Variants in CCDC62 observed in about 807,000 individuals in gnomAD.
The protein encoded by CCDC62 is coiled-coil domain-containing protein 62.
CCDC62 carries 72 observed loss-of-function variants against 80.8 expected under a neutral mutation model. That is an observed-to-expected ratio of 0.89 (90% CI 0.74 to 1.08). The LOEUF is 1.08. CCDC62 is among the 50% of genes least tolerant of loss of function. The pLI is 0.00. For synonymous variants in CCDC62, 286 were observed against 296.5 expected (o/e 0.96, Z 0.36); for missense variants, 704 against 809.4 (o/e 0.87, Z 1.58).
chr12:122,801,959 A>T (rs956973514), intron 9 of CCDC62, 107 bp downstream of exon 9: 1 of 1,212,644 alleles, frequency 8.2e-7, no homozygotes, highest in Admixed American at 2.2e-5. Flanking sequence ...TCCAAAAGGC[A>T]TGTTTGCTAA....
At chr12:122,815,251 T>C (rs569409664) in intron 11 of CCDC62, among the ~76,000 whole-genome samples, 219 of 151,100 alleles carry the variant, frequency 1.4e-3, no homozygotes, top group Admixed American at 2.1e-3. Context: ...GCTGATGTTT[T>C]TATTTTTTGT....
rs745492770 is a variant in CCDC62 at position 122,781,212 on chromosome 12, TAAA to T, written c.280_282del (p.Lys94del). 29 of 1,613,928 alleles carry T rather than the reference TAAA, an allele frequency of 1.8e-5. No individual in the cohort carries two copies. The East Asian group carries it at 4.0e-4, about 22-fold the overall frequency. On this transcript the variant is annotated inframe_deletion, in exon 3 of 13. Transcript: ENST00000253079. ...ATAATCAGGTCACTCACGAAGAAGG[TAAA>T]AGCTCTTGAATCCAATCAAATGGAA... is the stretch of plus-strand genomic sequence containing the variant.
intron 1 of CCDC62, 79 bp from the exon 2 acceptor site, chr12:122,777,412 A>C: frequency 8.1e-7 from 1 of 1,227,364 alleles, no homozygotes; most frequent in Admixed American, 2.5e-5. Context: ...AAGAAGATAT[A>C]CTTATTTGGA....
At chr12:122,793,523 G>A (rs1054365566) in intron 6 of CCDC62, among the ~76,000 whole-genome samples, 1 of 52,224 alleles carries the variant, frequency 1.9e-5, no homozygotes, top group African/African-American at 8.7e-5. Flanking sequence ...AATGCAGTTT[G>A]TCTGTAAATT....
rs1389320102 is a variant in CCDC62, at chr12:122,817,312, G to A, written c.2001+3893G>A. Among the ~76,000 whole-genome samples the A allele has an allele frequency of 5.3e-5, 8 of 150,440 alleles. No homozygotes were observed. The East Asian group carries it at 7.8e-4, about 15-fold the overall frequency. On this transcript the variant is annotated intron_variant, in intron 11 of 12. Transcript: ENST00000253079. ...CCTGACCTTGTGATCCACCCGCCTC[G>A]GCCTCCCAAAGTGCTGGGATTACAG...
chr12:122,824,875 G>A (rs11060208), intron 12 of CCDC62, among the ~76,000 whole-genome samples: 6,700 of 151,820 alleles, frequency 0.044, 259 homozygotes, highest in East Asian at 0.23. Context: ...ACCTGAGGTC[G>A]GGAGTTTGAG....
At chr12:122,783,062 G>A (rs1350881818) in intron 3 of CCDC62, among the ~76,000 whole-genome samples, 1 of 150,664 alleles carries the variant, frequency 6.6e-6, no homozygotes, top group Non-Finnish European at 1.5e-5. Flanking sequence ...AGCCGAGATC[G>A]CACCACTGCA....
chr12:122,826,370 A>G (rs2032633390), intron 12 of CCDC62, 52 bp from the exon 13 acceptor site: 3 of 773,630 alleles, frequency 3.9e-6, no homozygotes, highest in East Asian at 4.9e-5. Context: ...ATGCTCTCCA[A>G]TATTAATTGA....
chr12:122,791,551 C>T (rs897725449), intron 5 of CCDC62, among the ~76,000 whole-genome samples: 2 of 151,840 alleles, frequency 1.3e-5, no homozygotes, highest in African/African-American at 2.4e-5. Context: ...TGGATTCAAG[C>T]GATTTTCCTG....
chr12:122,800,417 TAA>T (rs1177675359), intron 8 of CCDC62, among the ~76,000 whole-genome samples: 1 of 148,664 alleles, frequency 6.7e-6, no homozygotes, highest in African/African-American at 2.5e-5. Context: ...CCTGTCTCTA[TAA>T]AAAAAAAATT....
chr12:122,810,000 C>T (rs1422076623), intron 10 of CCDC62, among the ~76,000 whole-genome samples: 2 of 152,156 alleles, frequency 1.3e-5, no homozygotes, highest in Non-Finnish European at 2.9e-5. Context: ...CTTCCTTACA[C>T]CTTATATAAA....
chr12:122,781,251 C>T lies in CCDC62; in HGVS notation c.317C>T (p.Ala106Val), dbSNP rs766180037. The change falls in exon 3 of 13, where the codon GCT becomes GTT. Residue 106 changes from alanine (A) to valine (V), a missense_variant. By Grantham distance (64) the Ala-to-Val change is moderately conservative. Coordinates refer to ENST00000253079, the MANE Select transcript of CCDC62 (RefSeq NM_201435.5). The part of the protein sequence containing the change: ...LESNQMECQT[A>V]LQKTQLQLQE... ...TCCAATCAAATGGAATGCCAAACAGCTCTCCAAAAGACCCAACTACAGCTT... is the reference window on the plus strand; with the variant it reads ...TCCAATCAAATGGAATGCCAAACAGTTCTCCAAAAGACCCAACTACAGCTT... 6.2e-7 allele frequency: 1 copy of T among 1,613,804 alleles called. No homozygotes were observed. Among genetic ancestry groups the T allele is most frequent in the African/African-American group, 1.3e-5 (1 of 74,920 alleles).
At position 122,801,639 on chromosome 12, in the gene CCDC62, G is replaced by T. The variant is rs747294737; in HGVS notation, c.1493G>T (p.Cys498Phe). The change falls in exon 9 of 13, where the codon TGC becomes TTC. Residue 498 changes from cysteine to phenylalanine, a missense_variant. Cys to Phe is a radical substitution (Grantham distance 205). Transcript: ENST00000253079. ...ATGGAAAGGTCCGAAATCTCATGCT[G>T]CCAGAAAAATGAAGCCTGTCTGGGC... ...DQMERSEISC[C>F]QKNEACLGES... is the part of the protein sequence containing the mutation. 3 of 1,614,168 alleles carry T rather than the reference G, an allele frequency of 1.9e-6. No individual in the cohort carries two copies. The Admixed American group carries it at 5.0e-5, about 27-fold the overall frequency.
intron 8 of CCDC62, among the ~76,000 whole-genome samples, chr12:122,800,523 G>A (rs1456385494): frequency 6.6e-6 from 1 of 151,316 alleles, no homozygotes; most frequent in Admixed American, 6.6e-5. Context: ...CACCTCCCAG[G>A]TTCAAGCAAT....
At position 122,801,699 on chromosome 12, in the gene CCDC62, C is replaced by T. The variant is rs776373958; in HGVS notation, c.1553C>T (p.Pro518Leu). ...ATGTGTGACTCCAAGTGCTGCCACCCGAGTAACTTCATAATTGAAGCCCCA... is the reference window on the plus strand; with the variant it reads ...ATGTGTGACTCCAAGTGCTGCCACCTGAGTAACTTCATAATTGAAGCCCCA... The part of the protein sequence containing the change: ...SGMCDSKCCH[P>L]SNFIIEAPGH... Residue 518 changes from proline (P) to leucine (L), a missense_variant, in exon 9 of 13, where the codon CCG (proline) becomes CTG (leucine). Transcript: ENST00000253079. 42 of 1,614,072 alleles carry T rather than the reference C, an allele frequency of 2.6e-5. 1 individual carries two copies. Among genetic ancestry groups the T allele is most frequent in the Middle Eastern group, 1.6e-4 (1 of 6,062 alleles).
At chr12:122,804,901 T>G (rs1276928527) in intron 9 of CCDC62, among the ~76,000 whole-genome samples, 1 of 114,312 alleles carries the variant, frequency 8.7e-6, no homozygotes, top group Non-Finnish European at 1.9e-5. Flanking sequence ...TTTTTTTTTT[T>G]GAGATGAAGT....
At chr12:122,814,697 G>A (rs907683077) in intron 11 of CCDC62, among the ~76,000 whole-genome samples, 4 of 151,824 alleles carry the variant, frequency 2.6e-5, no homozygotes, top group South Asian at 2.1e-4. Flanking sequence ...TATTAGAGAC[G>A]GGGTTTCACC....
intron 2 of CCDC62, among the ~76,000 whole-genome samples, chr12:122,780,138 C>T (rs1879747642): frequency 6.7e-6 from 1 of 149,394 alleles, no homozygotes; most frequent in Admixed American, 6.8e-5. Context: ...GGTGAAACCC[C>T]ATCTCTACTA....
At chr12:122,821,061 T>C (rs1473195054) in intron 11 of CCDC62, among the ~76,000 whole-genome samples, 1 of 152,048 alleles carries the variant, frequency 6.6e-6, no homozygotes, top group African/African-American at 2.4e-5. Flanking sequence ...CACTGGGGTC[T>C]TTCCAGGCAT....
Sources: gnomAD v4.1 joint callset for allele counts (sites outside exome capture counted in the v4.1 genomes callset) on GRCh38, gnomAD v4.1.1 for gene constraint, MANE v1.5 for transcripts, NCBI Gene and HGNC (gene_info 2026-07-23, HGNC 2026-07-21) for gene names.